The following PFDN1 variants were observed in gnomAD, a reference collection of about 807,000 sequenced individuals.
PFDN1 encodes prefoldin subunit 1.
A neutral mutation model predicts 17.3 loss-of-function variants in PFDN1; 6 were observed. The ratio of observed to expected loss-of-function variants is 0.35; its 90% CI spans 0.19 to 0.69. PFDN1 has a LOEUF of 0.69. Among genes scored for constraint, PFDN1 ranks in the 30% least tolerant of loss-of-function variants. The probability of loss-of-function intolerance (pLI) is 0.65; values close to 1 mark genes in which losing one functional copy is unlikely to be tolerated. For missense variants in PFDN1, 113 were observed against 146.2 expected (o/e 0.77, Z 1.17); for synonymous variants, 58 against 50.1 (o/e 1.16, Z -0.67).
intron 3 of PFDN1, among the ~76,000 whole-genome samples, chr5:140,271,427 C>G (rs1765203901): frequency 6.6e-6 from 1 of 152,166 alleles, no homozygotes; most frequent in Non-Finnish European, 1.5e-5. Flanking sequence ...CCAAGACTCT[C>G]CAAGTCAAAA....
At chr5:140,281,267 T>G (rs1056488003) in intron 3 of PFDN1, 182 bp downstream of exon 3, 2 of 458,790 alleles carry the variant, frequency 4.4e-6, no homozygotes, top group African/African-American at 2.0e-5. Context: ...CTTTTTTTTT[T>G]GTTTTGGTCT....
At chr5:140,274,953 A>G (rs1765267275) in intron 3 of PFDN1, among the ~76,000 whole-genome samples, 1 of 150,456 alleles carries the variant, frequency 6.6e-6, no homozygotes, top group East Asian at 1.9e-4. Context: ...AGATTGTGAT[A>G]CTGCACCCCA....
chr5:140,247,432 G>A (rs550741493), intron 3 of PFDN1, among the ~76,000 whole-genome samples: 4 of 152,206 alleles, frequency 2.6e-5, no homozygotes, highest in East Asian at 1.9e-4. Flanking sequence ...GAGCCACCGC[G>A]CTTAGCTATT....
At chr5:140,302,807 G>C (rs1765767803) in intron 1 of PFDN1, among the ~76,000 whole-genome samples, 1 of 152,100 alleles carries the variant, frequency 6.6e-6, no homozygotes, top group South Asian at 2.1e-4. Context: ...ACAAGCCCGA[G>C]ACAGGCCCGC....
intron 2 of PFDN1, among the ~76,000 whole-genome samples, chr5:140,282,646 G>A (rs1257161870): frequency 6.6e-6 from 1 of 152,174 alleles, no homozygotes; most frequent in Admixed American, 6.5e-5. Context: ...TACCACTGAT[G>A]AGGGTGGAAA....
intron 1 of PFDN1, 116 bp downstream of exon 1, chr5:140,302,902 TTAGGACTCTGGGAAACCATTCCC>T: frequency 1.3e-6 from 1 of 754,270 alleles, no homozygotes; most frequent in East Asian, 2.4e-5. Flanking sequence ...CAGTGAGGCC[TTAGGACTCTGGGAAACCATTCCC>T]TAGTCCACTG....
At chr5:140,264,344 T>A (rs1016359802) in intron 3 of PFDN1, among the ~76,000 whole-genome samples, 4 of 152,200 alleles carry the variant, frequency 2.6e-5, no homozygotes, top group Non-Finnish European at 4.4e-5. Context: ...ATGTCATTTA[T>A]CCAAGATGAT....
intron 3 of PFDN1, among the ~76,000 whole-genome samples, chr5:140,274,433 TATC>T (rs1451012204): frequency 6.6e-6 from 1 of 152,134 alleles, no homozygotes; most frequent in Non-Finnish European, 1.5e-5. Flanking sequence ...AGAAAGTTAT[TATC>T]AGTATTTTTT....
intron 3 of PFDN1, among the ~76,000 whole-genome samples, chr5:140,271,215 T>TA (rs1316712387): frequency 1.1e-4 from 17 of 152,160 alleles, no homozygotes; most frequent in African/African-American, 3.6e-4. Context: ...CATCAGGACA[T>TA]AGAGACTATA....
intron 3 of PFDN1, among the ~76,000 whole-genome samples, chr5:140,266,735 T>C (rs1765138744): frequency 6.6e-6 from 1 of 152,246 alleles, no homozygotes; most frequent in Admixed American, 6.5e-5. Context: ...TTTTCACACA[T>C]TCCACCACTA....
chr5:140,267,783 CAA>C (rs1765155100), intron 3 of PFDN1, among the ~76,000 whole-genome samples: 1 of 151,658 alleles, frequency 6.6e-6, no homozygotes. Context: ...TCACTTCCTC[CAA>C]CCCTAAGAAA....
intron 2 of PFDN1, among the ~76,000 whole-genome samples, chr5:140,296,606 C>A (rs1011716126): frequency 6.6e-6 from 1 of 152,116 alleles, no homozygotes; most frequent in South Asian, 2.1e-4. Context: ...CAGCCAAGGA[C>A]AATGTTATTC....
chr5:140,299,459 G>A (rs1230782989), intron 2 of PFDN1, among the ~76,000 whole-genome samples: 1 of 151,994 alleles, frequency 6.6e-6, no homozygotes, highest in Non-Finnish European at 1.5e-5. Context: ...AATTAGCCGG[G>A]CATGGTAGCA....
chr5:140,250,495 T>C (rs2126677985), intron 3 of PFDN1, among the ~76,000 whole-genome samples: 1 of 152,342 alleles, frequency 6.6e-6, no homozygotes, highest in East Asian at 1.9e-4. Context: ...CTCCTCACCT[T>C]GACTCTTCTC....
chr5:140,299,097 C>G (rs76550584), intron 2 of PFDN1, among the ~76,000 whole-genome samples: 4,203 of 152,076 alleles, frequency 0.028, 190 homozygotes, highest in African/African-American at 0.096. Flanking sequence ...TTTTATTTTA[C>G]AACACTGATC....
At chr5:140,269,598 C>A (rs191332430) in intron 3 of PFDN1, among the ~76,000 whole-genome samples, 48 of 152,300 alleles carry the variant, frequency 3.2e-4, no homozygotes, top group African/African-American at 1.1e-3. Flanking sequence ...GGATTATAGG[C>A]GTGAGCCACC....
At chr5:140,276,461 G>C (rs1765294895) in intron 3 of PFDN1, among the ~76,000 whole-genome samples, 1 of 152,096 alleles carries the variant, frequency 6.6e-6, no homozygotes, top group Admixed American at 6.5e-5. Context: ...AGATCTAGCA[G>C]AATGAAAAAA....
intron 2 of PFDN1, among the ~76,000 whole-genome samples, chr5:140,285,912 G>A (rs1011900799): frequency 2.6e-5 from 4 of 152,020 alleles, no homozygotes; most frequent in East Asian, 1.9e-4. Context: ...GCTGAGGTGT[G>A]AGGATTGCTT....
At chr5:140,250,027 G>C (rs971396047) in intron 3 of PFDN1, among the ~76,000 whole-genome samples, 4 of 152,092 alleles carry the variant, frequency 2.6e-5, no homozygotes, top group African/African-American at 9.7e-5. Context: ...TTTCCAGTGC[G>C]GTGCTGTGCT....
Sources: allele counts gnomAD v4.1 joint callset (sites outside exome capture counted in the v4.1 genomes callset), GRCh38; gene constraint gnomAD v4.1.1; transcripts MANE v1.5; gene names NCBI Gene and HGNC (gene_info 2026-07-23, HGNC 2026-07-21).